The following ATXN7 variants were observed in gnomAD, a reference collection of about 807,000 sequenced individuals.
ATXN7 encodes ataxin-7.
ATXN7 carries 12 observed loss-of-function variants against 70.5 expected under a neutral mutation model. The observed-to-expected ratio is 0.17, with a 90% CI of 0.11 to 0.28. The LOEUF (loss-of-function observed/expected upper bound fraction) is 0.28. ATXN7 is among the 10% of genes least tolerant of loss of function. The probability of loss-of-function intolerance (pLI) is 1.00; values close to 1 mark genes in which losing one functional copy is unlikely to be tolerated. For synonymous variants in ATXN7, 498 were observed against 448.7 expected (o/e 1.11, Z -1.39); for missense variants, 1,256 against 1,131.7 (o/e 1.11, Z -1.58).
chr3:63,888,429 CAT>C (rs1262369807), intron 1 of ATXN7, among the ~76,000 whole-genome samples: 2 of 152,260 alleles, frequency 1.3e-5, no homozygotes, highest in East Asian at 1.9e-4. Flanking sequence ...GTCATCTTAT[CAT>C]GTGTATTTTC....
At chr3:63,972,478 TGTGA>T (rs775936417) in intron 5 of ATXN7, among the ~76,000 whole-genome samples, 14 of 152,290 alleles carry the variant, frequency 9.2e-5, no homozygotes, top group Middle Eastern at 3.4e-3. Flanking sequence ...TATCTGAAAG[TGTGA>T]GTGAGTTTCA....
intron 8 of ATXN7, among the ~76,000 whole-genome samples, chr3:63,986,507 A>G (rs11718001): frequency 0.047 from 7,184 of 152,252 alleles, 216 homozygotes; most frequent in African/African-American, 0.076. Context: ...CAGGTGGACC[A>G]GTAATATTAT....
intron 12 of ATXN7, chr3:63,999,218 C>A: frequency 2.0e-6 from 1 of 495,520 alleles, no homozygotes; most frequent in Non-Finnish European, 3.6e-6. Flanking sequence ...GCCTGCAACT[C>A]TTCTAGCCAG....
At chr3:63,896,412 T>C (rs1446530078) in intron 1 of ATXN7, among the ~76,000 whole-genome samples, 1 of 152,238 alleles carries the variant, frequency 6.6e-6, no homozygotes, top group Non-Finnish European at 1.5e-5. Context: ...TTTTAACTAT[T>C]TCTCTTTGCA....
intron 2 of ATXN7, among the ~76,000 whole-genome samples, chr3:63,907,109 C>A (rs1252666703): frequency 6.6e-6 from 1 of 152,164 alleles, no homozygotes; most frequent in Non-Finnish European, 1.5e-5. Flanking sequence ...CTTTTTTGCA[C>A]TGTAAATTTC....
At position 63,982,339 on chromosome 3, in the gene ATXN7, A is replaced by G. The variant is rs770739545; in HGVS notation, c.906A>G (p.Ser302=). The G allele has an allele frequency of 2.5e-6, 4 of 1,614,014 alleles. No individual in the cohort carries two copies. In the African/African-American group the frequency reaches 5.3e-5, roughly 22 times the overall value. Residue 302 remains serine, a synonymous_variant, in exon 7 of 13, where the codon TCA becomes TCG. Transcript: ENST00000674280. The part of the protein sequence containing the change: ...CPSIPKPTLP[S]PGQILNGKGL... ...CAATACCAAAGCCAACCTTGCCTTC[A>G]CCTGGACAGATTCTGAATGGCAAAG...
chr3:63,888,409 A>G (rs938707432), intron 1 of ATXN7, among the ~76,000 whole-genome samples: 11 of 152,220 alleles, frequency 7.2e-5, no homozygotes, highest in African/African-American at 2.4e-4. Flanking sequence ...AAGTACATAT[A>G]TGGTTCTGTG....
rs2075830521 is a variant in ATXN7 at position 64,001,263 on chromosome 3, AATT to A, written c.*1802_*1804del. The stretch of plus-strand genomic sequence containing the variant: ...GGAAGGAGAGAACAGTATCTTGTTC[AATT>A]ATTATGCAATCAATCAGTAAATGTT... On this transcript the variant is annotated 3_prime_UTR_variant, in exon 13 of 13. Transcript: ENST00000674280. The A allele has an allele frequency of 6.6e-6, 1 of 152,222 alleles. No homozygotes were observed. Among genetic ancestry groups the A allele is most frequent in the African/African-American group, 2.4e-5 (1 of 41,464 alleles). 9.4% of individuals were successfully genotyped at this position (152,222 alleles called of 1,614,324 possible).
At chr3:63,955,345 C>T (rs2075023011) in intron 5 of ATXN7, among the ~76,000 whole-genome samples, 1 of 152,062 alleles carries the variant, frequency 6.6e-6, no homozygotes, top group Non-Finnish European at 1.5e-5. Context: ...TAAGGAATGC[C>T]CTCTTTGAAT....
At chr3:63,976,352 C>G (rs1413969651) in intron 5 of ATXN7, among the ~76,000 whole-genome samples, 2 of 152,172 alleles carry the variant, frequency 1.3e-5, no homozygotes, top group African/African-American at 2.4e-5. Context: ...CGTGATAATT[C>G]AGTAGCATGA....
chr3:63,884,508 T>A (rs1703021847), intron 1 of ATXN7, among the ~76,000 whole-genome samples: 1 of 152,108 alleles, frequency 6.6e-6, no homozygotes, highest in Non-Finnish European at 1.5e-5. Flanking sequence ...CATGAGGCCA[T>A]ACTGGTATAA....
At chr3:63,962,779 G>C (rs73117083) in intron 5 of ATXN7, among the ~76,000 whole-genome samples, 15,708 of 152,136 alleles carry the variant, frequency 0.1, 1,010 homozygotes, top group Admixed American at 0.15. Context: ...TGGCTAATAG[G>C]CCTTTTTCTG....
rs144324163 is a variant in ATXN7 at position 63,982,383 on chromosome 3, C to T, written c.950C>T (p.Thr317Ile). 234 of 1,613,872 alleles carry T rather than the reference C, an allele frequency of 1.4e-4. 2 individuals carry two copies. In the East Asian group the frequency reaches 4.3e-3, roughly 30 times the overall value. ...LNGKGLPAPPTLEKKPEDNSN... is the reference protein window; with the variant it reads ...LNGKGLPAPPILEKKPEDNSN... ...GGCAAAGGGCTTCCTGCACCGCCCA[C>T]TCTGGAAAAGAAACCTGAAGACAAT... The change falls in exon 7 of 13, where the codon ACT becomes ATT. Residue 317 changes from threonine to isoleucine, a missense_variant. Coordinates refer to ENST00000674280, the MANE Select transcript of ATXN7 (RefSeq NM_001377405.1).
At chr3:63,940,997 A>G (rs1255669552) in intron 4 of ATXN7, among the ~76,000 whole-genome samples, 1 of 152,152 alleles carries the variant, frequency 6.6e-6, no homozygotes, top group Non-Finnish European at 1.5e-5. Flanking sequence ...GTGTACTGCC[A>G]TGTTGGTCAC....
At chr3:63,946,492 A>C (rs1157255026) in intron 4 of ATXN7, among the ~76,000 whole-genome samples, 1 of 151,770 alleles carries the variant, frequency 6.6e-6, no homozygotes, top group African/African-American at 2.4e-5. Flanking sequence ...ACAAAAAGAA[A>C]ATTAGCCGGG....
At chr3:63,922,626 A>G (rs1367243320) in intron 4 of ATXN7, among the ~76,000 whole-genome samples, 1 of 152,160 alleles carries the variant, frequency 6.6e-6, no homozygotes, top group Non-Finnish European at 1.5e-5. Context: ...AGTGGATCAG[A>G]AAGATAAATG....
chr3:63,927,994 A>G (rs776783948), intron 4 of ATXN7, among the ~76,000 whole-genome samples: 9 of 152,218 alleles, frequency 5.9e-5, no homozygotes, highest in Non-Finnish European at 1.2e-4. Context: ...TTTATAATCT[A>G]TTCATGAATC....
At chr3:63,875,201 C>T (rs1702714174) in intron 1 of ATXN7, among the ~76,000 whole-genome samples, 1 of 151,928 alleles carries the variant, frequency 6.6e-6, no homozygotes, top group Non-Finnish European at 1.5e-5. Context: ...AGTGATTCTC[C>T]CACCTCAGCC....
intron 5 of ATXN7, among the ~76,000 whole-genome samples, chr3:63,970,614 T>G (rs1042083979): frequency 6.6e-6 from 1 of 152,198 alleles, no homozygotes; most frequent in East Asian, 1.9e-4. Flanking sequence ...ATTTCTCACA[T>G]ACTTGAAAGC....
Sources: allele counts gnomAD v4.1 joint callset (sites outside exome capture counted in the v4.1 genomes callset), GRCh38; gene constraint gnomAD v4.1.1; transcripts MANE v1.5; gene names NCBI Gene and HGNC (gene_info 2026-07-23, HGNC 2026-07-21).